C8orf34: variants seen among roughly 807,000 people sequenced by gnomAD.
C8orf34 encodes uncharacterized protein C8orf34.
Under a neutral mutation model 68.3 loss-of-function variants are expected in C8orf34, and 65 were observed. The ratio of observed to expected loss-of-function variants is 0.95; its 90% CI spans 0.78 to 1.17. C8orf34 has a LOEUF of 1.17. C8orf34 is among the 50% of genes most tolerant of loss of function. The pLI is 0.00. For missense variants in C8orf34, 664 were observed against 655.4 expected, an observed-to-expected ratio of 1.01 and a Z score of -0.14; for synonymous variants, 244 against 241.2, an observed-to-expected ratio of 1.01 and a Z score of -0.11.
At chr8:68,817,864 C>A (rs528829047) in intron 13 of C8orf34, among the ~76,000 whole-genome samples, 1 of 152,104 alleles carries the variant, frequency 6.6e-6, no homozygotes, top group East Asian at 1.9e-4. Flanking sequence ...GGGGGAGGAA[C>A]CCCTTATAAA....
At chr8:68,555,327 T>C (rs1258321087) in intron 7 of C8orf34, among the ~76,000 whole-genome samples, 1 of 152,168 alleles carries the variant, frequency 6.6e-6, no homozygotes. Flanking sequence ...AGTAAATATA[T>C]GTAGAATAGT....
At chr8:68,707,593 A>G (rs140596930) in intron 8 of C8orf34, among the ~76,000 whole-genome samples, 4,507 of 152,180 alleles carry the variant, frequency 0.03, 81 homozygotes, top group Non-Finnish European at 0.051. Flanking sequence ...TACTTTTTTT[A>G]GAGACAGGGG....
intron 1 of C8orf34, among the ~76,000 whole-genome samples, chr8:68,381,562 C>G (rs970819982): frequency 3.3e-4 from 49 of 150,540 alleles, no homozygotes; most frequent in African/African-American, 1.1e-3. Context: ...GAAACCCCGT[C>G]TCTACTAAAA....
chr8:68,532,059 C>T (rs190333492), intron 6 of C8orf34, among the ~76,000 whole-genome samples: 1 of 152,180 alleles, frequency 6.6e-6, no homozygotes, highest in Non-Finnish European at 1.5e-5. Context: ...TGCTTTCCTT[C>T]CCTGCCAGAC....
At chr8:68,527,485 T>C (rs1586322054) in intron 6 of C8orf34, among the ~76,000 whole-genome samples, 2 of 152,156 alleles carry the variant, frequency 1.3e-5, no homozygotes, top group African/African-American at 4.8e-5. Context: ...GGCAGGAGAA[T>C]GGCGTGAACC....
At chr8:68,599,758 T>C (rs1325741296) in intron 7 of C8orf34, among the ~76,000 whole-genome samples, 1 of 152,012 alleles carries the variant, frequency 6.6e-6, no homozygotes, top group African/African-American at 2.4e-5. Flanking sequence ...GGATGTGAAA[T>C]ATACCTGTTG....
intron 10 of C8orf34, among the ~76,000 whole-genome samples, chr8:68,735,945 T>G (rs1174004049): frequency 6.6e-6 from 1 of 152,200 alleles, no homozygotes; most frequent in African/African-American, 2.4e-5. Flanking sequence ...GACTTTAGGT[T>G]CAACAACACC....
intron 5 of C8orf34, among the ~76,000 whole-genome samples, chr8:68,503,524 G>A (rs998528216): frequency 2.0e-5 from 3 of 152,146 alleles, no homozygotes; most frequent in Admixed American, 2.0e-4. Context: ...ATAATAAAGA[G>A]TAAAAAGTTT....
intron 8 of C8orf34, among the ~76,000 whole-genome samples, chr8:68,683,805 T>G (rs979401668): frequency 6.6e-6 from 1 of 152,118 alleles, no homozygotes; most frequent in Admixed American, 6.6e-5. Flanking sequence ...ATTTTTCACA[T>G]TCAAATCAGA....
chr8:68,659,711 T>G (rs1297829712), intron 8 of C8orf34, among the ~76,000 whole-genome samples: 3 of 152,068 alleles, frequency 2.0e-5, no homozygotes, highest in African/African-American at 7.2e-5. Context: ...AAAAGATTAC[T>G]TCAGTTTTCT....
At chr8:68,627,890 A>G (rs1177730778) in intron 7 of C8orf34, among the ~76,000 whole-genome samples, 1 of 152,242 alleles carries the variant, frequency 6.6e-6, no homozygotes, top group Non-Finnish European at 1.5e-5. Flanking sequence ...TTACATTCAA[A>G]GAAATTAAAA....
chr8:68,436,540 A>G (rs1353682466), intron 1 of C8orf34, among the ~76,000 whole-genome samples: 1 of 152,120 alleles, frequency 6.6e-6, no homozygotes, highest in East Asian at 1.9e-4. Context: ...CTATTAATTT[A>G]TATACACCCA....
chr8:68,651,125 T>G (rs1437835605), intron 8 of C8orf34, among the ~76,000 whole-genome samples: 1 of 152,228 alleles, frequency 6.6e-6, no homozygotes, highest in Non-Finnish European at 1.5e-5. Flanking sequence ...CGGATTTCCT[T>G]ATCATTCTCC....
At chr8:68,776,014 G>A (rs1014147782) in intron 10 of C8orf34, among the ~76,000 whole-genome samples, 1 of 152,154 alleles carries the variant, frequency 6.6e-6, no homozygotes, top group Non-Finnish European at 1.5e-5. Context: ...TGGTGGTGGA[G>A]GGAGGGTAAG....
At chr8:68,751,713 G>A (rs997843927) in intron 10 of C8orf34, among the ~76,000 whole-genome samples, 3 of 152,066 alleles carry the variant, frequency 2.0e-5, no homozygotes, top group African/African-American at 7.2e-5. Flanking sequence ...GCCATACTAA[G>A]TGAAGTAAAC....
At chr8:68,774,354 A>ATATATATATATATATAT (rs1344573894) in intron 10 of C8orf34, among the ~76,000 whole-genome samples, 2 of 111,276 alleles carry the variant, frequency 1.8e-5, no homozygotes, top group Admixed American at 8.1e-5. Flanking sequence ...TATATAAAAT[A>ATATATATATATATATAT]AACAAAAAAA....
intron 10 of C8orf34, among the ~76,000 whole-genome samples, chr8:68,760,179 C>T (rs1269420945): frequency 6.6e-6 from 1 of 152,092 alleles, no homozygotes; most frequent in Non-Finnish European, 1.5e-5. Context: ...CGGAGGCCAC[C>T]CACAGGTCAG....
At chr8:68,554,300 A>C (rs1487019033) in intron 7 of C8orf34, among the ~76,000 whole-genome samples, 2 of 152,132 alleles carry the variant, frequency 1.3e-5, no homozygotes, top group African/African-American at 4.8e-5. Flanking sequence ...TGGTGGTAGC[A>C]GCTGATCTTC....
intron 10 of C8orf34, among the ~76,000 whole-genome samples, chr8:68,742,328 C>G (rs901967926): frequency 1.6e-4 from 24 of 152,136 alleles, no homozygotes; most frequent in African/African-American, 5.3e-4. Context: ...CCAATTATTC[C>G]AAACCTGATC....
Sources: gnomAD v4.1 joint callset for allele counts (sites outside exome capture counted in the v4.1 genomes callset) on GRCh38, gnomAD v4.1.1 for gene constraint, MANE v1.5 for transcripts, NCBI Gene and HGNC (gene_info 2026-07-23, HGNC 2026-07-21) for gene names.